The following PTBP3 variants were observed in gnomAD, a reference collection of about 807,000 sequenced individuals.
PTBP3 encodes the protein polypyrimidine tract-binding protein 3.
PTBP3 carries 20 observed loss-of-function variants against 58.7 expected under a neutral mutation model. That is an observed-to-expected ratio of 0.34 (90% confidence interval 0.24 to 0.50). PTBP3 has a LOEUF of 0.50. PTBP3 is among the 20% of genes least tolerant of loss of function. The pLI is 0.98. For missense variants in PTBP3, 509 were observed against 637.2 expected, an observed-to-expected ratio of 0.80 and a Z score of 2.17; for synonymous variants, 185 against 219.8, an observed-to-expected ratio of 0.84 and a Z score of 1.40.
chr9:112,374,818 T>C, the PTBP3 span, among the ~76,000 whole-genome samples: 1 of 152,184 alleles, frequency 6.6e-6, no homozygotes, highest in Non-Finnish European at 1.5e-5. Context: ...AGAGTAAGTG[T>C]CTATTCCAGT....
intron 9 of PTBP3, among the ~76,000 whole-genome samples, chr9:112,231,774 A>G (rs1289138607): frequency 6.6e-6 from 1 of 151,570 alleles, no homozygotes; most frequent in Non-Finnish European, 1.5e-5. Flanking sequence ...CAGGCGTGGT[A>G]GTGGGCACCT....
the PTBP3 span, among the ~76,000 whole-genome samples, chr9:112,377,327 G>A: frequency 3.9e-5 from 6 of 152,268 alleles, no homozygotes; most frequent in African/African-American, 1.4e-4. Flanking sequence ...TCCAGCCTGG[G>A]TGACAGAGCA....
At chr9:112,267,705 TTCAC>T (rs1421198038) in intron 4 of PTBP3, among the ~76,000 whole-genome samples, 1 of 148,832 alleles carries the variant, frequency 6.7e-6, no homozygotes, top group African/African-American at 2.4e-5. Context: ...CATTACTTAA[TTCAC>T]TCAATTTCTC....
At chr9:112,237,219 C>G (rs1244146867) in intron 7 of PTBP3, among the ~76,000 whole-genome samples, 1 of 152,134 alleles carries the variant, frequency 6.6e-6, no homozygotes, top group Non-Finnish European at 1.5e-5. Flanking sequence ...ACAAAACACA[C>G]ATTTTTCAAG....
Position 112,222,154 on chromosome 9 carries a change from A to G in PTBP3, c.*1697T>C, listed in dbSNP as rs1834830462. 3.0e-6 allele frequency: 3 copies of G among 985,820 alleles called. No homozygotes were observed. Among genetic ancestry groups the G allele is most frequent in the Non-Finnish European group, 3.6e-6 (3 of 829,868 alleles). The allele number at this position is 985,820 out of a possible 1,614,324, so 61.1% of individuals were successfully genotyped here. On this transcript the variant is annotated 3_prime_UTR_variant, in exon 14 of 14. Coordinates refer to ENST00000374257, the MANE Select transcript of PTBP3 (RefSeq NM_001163788.4). ...GAGATGAGACACTTTGAGAATCTGA[A>G]AAGTGTAAAAGGGGTAGACAAAAAA...
chr9:112,243,952 A>T (rs1482816342), intron 7 of PTBP3, among the ~76,000 whole-genome samples: 1 of 152,146 alleles, frequency 6.6e-6, no homozygotes, highest in Non-Finnish European at 1.5e-5. Flanking sequence ...AGAATACAAA[A>T]AGTATGGTTC....
rs1211553975 is a variant in PTBP3 at position 112,325,399 on chromosome 9, A to G, written c.-52+8071T>C. ...TAGGGAGTGTGGTGGCCTGGTATTC[A>G]ACCTGAGGTGGAAGCCAGCTGGCGG... On this transcript the variant is annotated intron_variant, in intron 1 of 13. Coordinates refer to ENST00000374257, the MANE Select transcript of PTBP3 (RefSeq NM_001163788.4). Among the ~76,000 whole-genome samples, 5 of 152,246 alleles carry G rather than the reference A, an allele frequency of 3.3e-5. No homozygotes were observed. In the East Asian group the frequency reaches 9.7e-4, roughly 29 times the overall value.
At chr9:112,307,111 T>A (rs1829253485) in intron 1 of PTBP3, among the ~76,000 whole-genome samples, 2 of 152,100 alleles carry the variant, frequency 1.3e-5, no homozygotes. Flanking sequence ...AACTGAAGTG[T>A]TGGAATTGCT....
chr9:112,274,380 G>A (rs980878932), intron 3 of PTBP3, among the ~76,000 whole-genome samples: 3 of 152,100 alleles, frequency 2.0e-5, no homozygotes, highest in Non-Finnish European at 2.9e-5. Context: ...ACATCACAAT[G>A]TACTACAAAA....
the PTBP3 span, among the ~76,000 whole-genome samples, chr9:112,351,132 G>A: frequency 6.6e-6 from 1 of 152,168 alleles, no homozygotes; most frequent in East Asian, 1.9e-4. Context: ...ACTTTATTAA[G>A]ATTGGATTCA....
intron 7 of PTBP3, among the ~76,000 whole-genome samples, chr9:112,246,788 T>C (rs1008249319): frequency 5.3e-5 from 8 of 151,636 alleles, no homozygotes; most frequent in Non-Finnish European, 1.0e-4. Flanking sequence ...AAGGGAAGAA[T>C]AGTAACATTA....
chr9:112,377,955 C>G, the PTBP3 span, among the ~76,000 whole-genome samples: 7 of 152,228 alleles, frequency 4.6e-5, no homozygotes, highest in Non-Finnish European at 1.0e-4. Context: ...GTTCAGGTTA[C>G]TACTTTTCTT....
intron 10 of PTBP3, among the ~76,000 whole-genome samples, chr9:112,229,306 A>C (rs945914914): frequency 6.6e-6 from 1 of 152,090 alleles, no homozygotes; most frequent in Non-Finnish European, 1.5e-5. Context: ...GCTCACACCT[A>C]TAATCCCAGC....
At chr9:112,296,661 A>T (rs1257454201) in intron 2 of PTBP3, among the ~76,000 whole-genome samples, 1 of 152,190 alleles carries the variant, frequency 6.6e-6, no homozygotes, top group Non-Finnish European at 1.5e-5. Context: ...TGATGTTGAG[A>T]CCAGGGACCC....
chr9:112,330,256 A>G (rs1298589045), intron 1 of PTBP3, among the ~76,000 whole-genome samples: 1 of 152,228 alleles, frequency 6.6e-6, no homozygotes, highest in Non-Finnish European at 1.5e-5. Context: ...TTTTATACAC[A>G]TAATACTATA....
chr9:112,360,414 G>A, the PTBP3 span, among the ~76,000 whole-genome samples: 7 of 152,176 alleles, frequency 4.6e-5, no homozygotes, highest in African/African-American at 1.4e-4. Context: ...TCATACTCCT[G>A]GGCTCAAGTG....
chr9:112,297,878 G>T lies in PTBP3; in HGVS notation c.-13C>A. ...TAGAACTATTCATGGTAAAAGGTCCGTTAATGATGCCAGAAGAAAGAAGCT... is the reference window on the plus strand; with the variant it reads ...TAGAACTATTCATGGTAAAAGGTCCTTTAATGATGCCAGAAGAAAGAAGCT... On this transcript the variant is annotated 5_prime_UTR_variant, in exon 2 of 14. Transcript: ENST00000374257. 1 of 1,611,990 alleles carries T rather than the reference G, an allele frequency of 6.2e-7. No homozygotes were observed. The highest frequency in any genetic ancestry group is 8.5e-7 in the Non-Finnish European group (1 of 1,179,296).
chr9:112,232,052 A>G (rs1481149351), intron 9 of PTBP3, 47 bp downstream of exon 9: 4 of 1,485,512 alleles, frequency 2.7e-6, no homozygotes, highest in Non-Finnish European at 3.6e-6. Flanking sequence ...AAGTGCTACT[A>G]TACCTTCTCC....
At position 112,235,038 on chromosome 9, in the gene PTBP3, T is replaced by C. The variant is rs1835388356; in HGVS notation, c.803-141A>G. On this transcript the variant is annotated intron_variant, in intron 7 of 13. Coordinates refer to ENST00000374257, the MANE Select transcript of PTBP3 (RefSeq NM_001163788.4). ...TAAAGATCTGTTCAACAAGTGATCT[T>C]TAACGTATAAAAAGAGCCTCTGCCA... is the stretch of plus-strand genomic sequence containing the variant. 6.1e-6 allele frequency: 4 copies of C among 656,022 alleles called. No homozygotes were observed. In the African/African-American group the frequency reaches 7.3e-5, roughly 12 times the overall value. The allele number at this position is 656,022 out of a possible 1,614,324, so 40.6% of individuals were successfully genotyped here. A position where few individuals can be genotyped will look rare whatever the true frequency, so the allele number is the denominator to read the frequency against.
Sources: allele counts gnomAD v4.1 joint callset (sites outside exome capture counted in the v4.1 genomes callset), GRCh38; gene constraint gnomAD v4.1.1; transcripts MANE v1.5; gene names NCBI Gene and HGNC (gene_info 2026-07-23, HGNC 2026-07-21).